The following SLX9 variants were observed in gnomAD, a reference collection of about 807,000 sequenced individuals.
SLX9 encodes the protein SLX9 ribosome biogenesis factor.
In SLX9, 19 loss-of-function variants were observed where a neutral mutation model predicts 20.8. The observed-to-expected ratio is 0.91, with a 90% CI of 0.64 to 1.34. The LOEUF is 1.34. Ranked by LOEUF, SLX9 falls within the 40% of genes most tolerant of loss-of-function variation. The pLI, the probability that SLX9 is intolerant of heterozygous loss-of-function variation, is 0.00. For missense variants in SLX9, 299 were observed against 322.2 expected (o/e 0.93, Z 0.55); for synonymous variants, 113 against 137.1 (o/e 0.82, Z 1.23).
At position 44,960,111 on chromosome 21, in the gene SLX9, A is replaced by G; in HGVS notation, c.295A>G (p.Lys99Glu). 1 of 1,614,246 alleles carries G rather than the reference A, an allele frequency of 6.2e-7. No homozygotes were observed. Among genetic ancestry groups the G allele is most frequent in the South Asian group, 1.1e-5 (1 of 91,090 alleles). ...TTCTCTTTCCTCAGGTGCAGAGGCC[A>G]AGACCGTTTTGCCCAAGAAGGAGAA... ...VPSIRRGAEA[K>E]TVLPKKEKMK... The change falls in exon 3 of 6, where the codon AAG (lysine) becomes GAG (glutamate). Residue 99 changes from lysine to glutamate, a missense_variant. Lys to Glu is a moderately conservative substitution (Grantham distance 56). Transcript: ENST00000291634.
intron 4 of SLX9, among the ~76,000 whole-genome samples, chr21:44,968,359 C>T (rs1427924844): frequency 1.3e-5 from 2 of 152,250 alleles, no homozygotes; most frequent in Admixed American, 6.5e-5. Context: ...GTGGCAGGTT[C>T]CATGTGCCCT....
In SLX9 at chr21:44,960,122, G is replaced by T. The variant is rs554932563; in HGVS notation, c.306G>T (p.Leu102Phe). Residue 102 changes from leucine to phenylalanine, a missense_variant, in exon 3 of 6, where the codon TTG (leucine) becomes TTT (phenylalanine). Transcript: ENST00000291634. ...CAGGTGCAGAGGCCAAGACCGTTTT[G>T]CCCAAGAAGGAGAAAATGAAGCTGA... is the stretch of plus-strand genomic sequence containing the variant. Reference protein sequence around the residue: ...IRRGAEAKTVLPKKEKMKLRR... With the variant: ...IRRGAEAKTVFPKKEKMKLRR... 3 of 1,614,112 alleles carry T rather than the reference G, an allele frequency of 1.9e-6. No homozygotes were observed. Among genetic ancestry groups the T allele is most frequent in the African/African-American group, 1.3e-5 (1 of 74,936 alleles).
chr21:44,948,171 C>T (rs1476456183), intron 2 of SLX9, among the ~76,000 whole-genome samples: 2 of 152,110 alleles, frequency 1.3e-5, no homozygotes, highest in African/African-American at 4.8e-5. Context: ...CAGCATCGGG[C>T]GATCGGGCAT....
chr21:44,970,858 C>G (rs2085130175), intron 4 of SLX9, among the ~76,000 whole-genome samples: 1 of 152,068 alleles, frequency 6.6e-6, no homozygotes. Flanking sequence ...GCCCCACGGC[C>G]CCTCCCAACC....
At position 44,940,047 on chromosome 21, in the gene SLX9, C is replaced by T; in HGVS notation, c.-11C>T. ...AGGCGCTCCGCACGTTTGCCGTGCT[C>T]CGCCGGGAAGATGGGGAAAGTGAGG... On this transcript the variant is annotated 5_prime_UTR_variant, in exon 1 of 6. Transcript: ENST00000291634. 1 of 1,445,776 alleles carries T rather than the reference C, an allele frequency of 6.9e-7. No individual in the cohort carries two copies. Among genetic ancestry groups the T allele is most frequent in the Middle Eastern group, 2.4e-4 (1 of 4,182 alleles). The allele number at this position is 1,445,776 out of a possible 1,614,324, so 89.6% of individuals were successfully genotyped here. A position where few individuals can be genotyped will look rare whatever the true frequency, so the allele number is the denominator to read the frequency against.
At chr21:44,967,295 C>T (rs910292401) in intron 4 of SLX9, 114 bp downstream of exon 4, 58 of 1,390,096 alleles carry the variant, frequency 4.2e-5, no homozygotes, top group African/African-American at 4.4e-5. Flanking sequence ...CTGCAGAGGC[C>T]GAGAGCTGGG....
chr21:44,967,854 G>T lies in SLX9; in HGVS notation c.500+673G>T, dbSNP rs74514341. ...GAGGGACGGGGCCTGATGTGAGTGC[G>T]GTTGCTCTCCCGAGCTGTACCTACC... On this transcript the variant is annotated intron_variant, in intron 4 of 5. Transcript: ENST00000291634. Among the ~76,000 whole-genome samples the T allele has an allele frequency of 7.1e-3, 1,078 of 152,272 alleles. 15 individuals are homozygous for T. Among genetic ancestry groups the T allele is most frequent in the African/African-American group, 0.025 (1,021 of 41,556 alleles).
intron 1 of SLX9, among the ~76,000 whole-genome samples, chr21:44,943,105 G>A (rs1382198744): frequency 6.6e-6 from 1 of 152,184 alleles, no homozygotes; most frequent in Non-Finnish European, 1.5e-5. Context: ...GCACATGAAT[G>A]GGCTGGGCAG....
chr21:44,973,243 G>T lies in SLX9; in HGVS notation c.547G>T (p.Ala183Ser), dbSNP rs759977911. 3.7e-6 allele frequency: 6 copies of T among 1,612,692 alleles called. No homozygotes were observed. In the East Asian group the frequency reaches 1.3e-4, roughly 36 times the overall value. The stretch of plus-strand genomic sequence containing the variant: ...GCCCTCAGAGCTCAGCCGGATGAGC[G>T]CAGCCCAGAGACAGCAGCTTCTGTG... The part of the protein sequence containing the change: ...PRPSELSRMS[A>S]AQRQQLLEEE... The change falls in exon 5 of 6, where the codon GCA (alanine) becomes TCA (serine). Residue 183 changes from alanine to serine, a missense_variant. By Grantham distance (99) the Ala-to-Ser change is moderately conservative. Transcript: ENST00000291634.
intron 2 of SLX9, among the ~76,000 whole-genome samples, chr21:44,946,418 G>A (rs1201076694): frequency 1.3e-5 from 2 of 152,222 alleles, no homozygotes; most frequent in Non-Finnish European, 2.9e-5. Flanking sequence ...AGCCCGCCTT[G>A]AGGGGCACGA....
chr21:44,954,494 T>C (rs2084818209), intron 2 of SLX9, among the ~76,000 whole-genome samples: 1 of 152,114 alleles, frequency 6.6e-6, no homozygotes, highest in Non-Finnish European at 1.5e-5. Context: ...TCGGCAGGTT[T>C]GTCTGTGGTT....
chr21:44,953,031 A>G (rs933335533), intron 2 of SLX9, among the ~76,000 whole-genome samples: 1 of 151,980 alleles, frequency 6.6e-6, no homozygotes, highest in African/African-American at 2.4e-5. Flanking sequence ...TGCCATCCTG[A>G]GACTAGGAGG....
intron 2 of SLX9, among the ~76,000 whole-genome samples, chr21:44,955,207 C>A (rs1223424718): frequency 9.9e-4 from 137 of 138,662 alleles, no homozygotes; most frequent in East Asian, 1.1e-3. Context: ...GACTTTGTCT[C>A]AAAAAAAAAA....
In SLX9 at chr21:44,973,220, C is replaced by T. The variant is rs2085189845; in HGVS notation, c.524C>T (p.Pro175Leu). Reference protein sequence around the residue: ...ARSRESNKPRPSELSRMSAAQ... With the variant: ...ARSRESNKPRLSELSRMSAAQ... ...AGCAGGGAGAGCAACAAGCCCCGGC[C>T]CTCAGAGCTCAGCCGGATGAGCGCA... Residue 175 changes from proline (P) to leucine (L), a missense_variant, in exon 5 of 6, where the codon CCC (proline) becomes CTC (leucine). By Grantham distance (98) the Pro-to-Leu change is moderately conservative (BLOSUM62 -3). Transcript: ENST00000291634. 5 of 1,613,000 alleles carry T rather than the reference C, an allele frequency of 3.1e-6. No individual in the cohort carries two copies. The highest frequency in any genetic ancestry group is 1.3e-5 in the African/African-American group (1 of 74,900).
Position 44,960,046 on chromosome 21 carries a change from C to A in SLX9, c.284-54C>A. 3 of 1,513,704 alleles carry A rather than the reference C, an allele frequency of 2.0e-6. No homozygotes were observed. In the South Asian group the frequency reaches 3.4e-5, roughly 17 times the overall value. 93.8% of individuals were successfully genotyped at this position (1,513,704 alleles called of 1,614,324 possible). ...GACCCGCCCCAGCCCATTCTCAGGT[C>A]ATGGGAGTGCCACCTGGACACGTTT... On this transcript the variant is annotated intron_variant, in intron 2 of 5. Coordinates refer to ENST00000291634, the MANE Select transcript of SLX9 (RefSeq NM_058190.4).
intron 2 of SLX9, among the ~76,000 whole-genome samples, chr21:44,958,031 G>A (rs962802341): frequency 6.6e-6 from 1 of 152,244 alleles, no homozygotes. Context: ...GCCTCAGCTC[G>A]GCTGGCCGGC....
At chr21:44,975,086 G>A (rs752527953) in intron 5 of SLX9, among the ~76,000 whole-genome samples, 1 of 152,228 alleles carries the variant, frequency 6.6e-6, no homozygotes, top group Non-Finnish European at 1.5e-5. Flanking sequence ...TTCACTCCGT[G>A]TTTTGGAGCC....
Position 44,940,072 on chromosome 21 carries a change from G to T in SLX9, c.15G>T (p.Arg5Ser). 1 of 1,460,960 alleles carries T rather than the reference G, an allele frequency of 6.8e-7. No individual in the cohort carries two copies. The highest frequency in any genetic ancestry group is 9.0e-7 in the Non-Finnish European group (1 of 1,105,924). 90.5% of individuals were successfully genotyped at this position (1,460,960 alleles called of 1,614,324 possible). ...CCGCCGGGAAGATGGGGAAAGTGAG[G>T]GGGTTGCGCGCCCGAGTGCACCAGG... MGKV[R>S]GLRARVHQAA... The change falls in exon 1 of 6, where the codon AGG (arginine) becomes AGT (serine). Residue 5 changes from arginine (R) to serine (S), a missense_variant. Arg to Ser is a moderately radical substitution (Grantham distance 110). Transcript: ENST00000291634.
intron 5 of SLX9, among the ~76,000 whole-genome samples, chr21:44,975,233 C>G (rs780149383): frequency 3.9e-5 from 6 of 152,202 alleles, no homozygotes; most frequent in Non-Finnish European, 7.3e-5. Flanking sequence ...GTCATGCTCC[C>G]CTGGGGGCTT....
Sources: allele counts gnomAD v4.1 joint callset (sites outside exome capture counted in the v4.1 genomes callset), GRCh38; gene constraint gnomAD v4.1.1; transcripts MANE v1.5; gene names NCBI Gene and HGNC (gene_info 2026-07-23, HGNC 2026-07-21).